RBFOX1: variants seen among roughly 807,000 people sequenced by gnomAD.
RBFOX1 encodes RNA binding protein fox-1 homolog 1.
In RBFOX1, 8 loss-of-function variants were observed where a neutral mutation model predicts 57.7. That is an observed-to-expected ratio of 0.14 (90% CI 0.08 to 0.25). The LOEUF is 0.25. Ranked by LOEUF, RBFOX1 falls within the 10% of genes least tolerant of loss-of-function variation. RBFOX1 has a pLI of 1.00. For missense variants in RBFOX1, 611 were observed against 548.5 expected, an observed-to-expected ratio of 1.11 and a Z score of -1.14; for synonymous variants, 326 against 222.4, an observed-to-expected ratio of 1.47 and a Z score of -4.15.
chr16:7,164,933 C>G (rs2079109513), intron 4 of RBFOX1, among the ~76,000 whole-genome samples: 1 of 152,158 alleles, frequency 6.6e-6, no homozygotes, highest in Non-Finnish European at 1.5e-5. Flanking sequence ...GAATCATCAA[C>G]TGGAATAGGA....
At chr16:7,224,460 C>T (rs563550858) in intron 4 of RBFOX1, among the ~76,000 whole-genome samples, 1 of 152,192 alleles carries the variant, frequency 6.6e-6, no homozygotes, top group Non-Finnish European at 1.5e-5. Context: ...CAGTGCTTCT[C>T]AGTCTTGGCT....
At position 7,050,719 on chromosome 16, in the gene RBFOX1, T is replaced by C. The variant is rs532528613; in HGVS notation, c.-15-1338T>C. 2.6e-5 allele frequency among the ~76,000 whole-genome samples: 4 copies of C among 152,362 alleles called. No individual in the cohort carries two copies. In the South Asian group the frequency reaches 8.3e-4, roughly 32 times the overall value. ...CTATATTTAAAACTATGTTTCTAAA[T>C]GGTACATGTTATGCCATACTATCAG... On this transcript the variant is annotated intron_variant, in intron 3 of 15. Coordinates refer to ENST00000550418, the MANE Select transcript of RBFOX1 (RefSeq NM_018723.4).
intron 4 of RBFOX1, among the ~76,000 whole-genome samples, chr16:7,071,985 G>A (rs1013774851): frequency 6.6e-6 from 1 of 152,014 alleles, no homozygotes; most frequent in East Asian, 1.9e-4. Flanking sequence ...TTAAGTCTAT[G>A]AATTCCTCTC....
At chr16:5,858,044 T>C (rs895709435) in intron 3 of RBFOX1, among the ~76,000 whole-genome samples, 69 of 152,178 alleles carry the variant, frequency 4.5e-4, no homozygotes, top group African/African-American at 1.6e-3. Context: ...AGCAGAGGTA[T>C]GAGGTCAGTG....
At chr16:5,811,324 G>C (rs1272507614) in intron 3 of RBFOX1, among the ~76,000 whole-genome samples, 2 of 151,722 alleles carry the variant, frequency 1.3e-5, no homozygotes, top group African/African-American at 4.8e-5. Context: ...AGTAGAGACG[G>C]GGTTTCCCTG....
chr16:6,411,786 A>G (rs1274464264), intron 2 of RBFOX1, among the ~76,000 whole-genome samples: 3 of 152,246 alleles, frequency 2.0e-5, no homozygotes, highest in African/African-American at 7.2e-5. Flanking sequence ...AGCCCTGTAC[A>G]GTGACCAGTT....
chr16:6,769,244 C>G (rs1263469089), intron 3 of RBFOX1, among the ~76,000 whole-genome samples: 1 of 152,130 alleles, frequency 6.6e-6, no homozygotes, highest in Non-Finnish European at 1.5e-5. Context: ...TCTTTCTTTG[C>G]CTGCTGCCAT....
intron 4 of RBFOX1, among the ~76,000 whole-genome samples, chr16:7,188,564 G>T (rs1180138907): frequency 1.3e-5 from 2 of 152,112 alleles, no homozygotes; most frequent in African/African-American, 2.4e-5. Flanking sequence ...CTCGTTCCCT[G>T]AATGCTATTT....
At chr16:5,790,159 T>C (rs890701182) in intron 3 of RBFOX1, among the ~76,000 whole-genome samples, 1 of 152,194 alleles carries the variant, frequency 6.6e-6, no homozygotes, top group Non-Finnish European at 1.5e-5. Context: ...ACATGGAGAA[T>C]TTGGACAGGC....
At chr16:5,919,379 G>C (rs185124011) in intron 4 of RBFOX1, among the ~76,000 whole-genome samples, 53 of 152,234 alleles carry the variant, frequency 3.5e-4, no homozygotes, top group African/African-American at 1.3e-3. Context: ...TTTTGTTCTT[G>C]TTTCCTAGGC....
rs151227806 is a variant in RBFOX1, at chr16:6,937,480, T to G, written c.-15-114577T>G. 2.4e-3 allele frequency among the ~76,000 whole-genome samples: 367 copies of G among 152,252 alleles called. 2 individuals carry two copies. The highest frequency in any genetic ancestry group is 0.017 in the Middle Eastern group (5 of 294). ...CAAACTCTGTAAAACGGTGAAGATATTTATTCTGAGTGACATAGGAGTGAC... is the reference window on the plus strand; with the variant it reads ...CAAACTCTGTAAAACGGTGAAGATAGTTATTCTGAGTGACATAGGAGTGAC... On this transcript the variant is annotated intron_variant, in intron 3 of 15. Coordinates refer to ENST00000550418, the MANE Select transcript of RBFOX1 (RefSeq NM_018723.4).
chr16:5,778,406 C>A (rs575456571), intron 3 of RBFOX1, among the ~76,000 whole-genome samples: 3 of 152,152 alleles, frequency 2.0e-5, no homozygotes, highest in Non-Finnish European at 4.4e-5. Flanking sequence ...TAGTCCTTCA[C>A]CTGGTTCACA....
intron 2 of RBFOX1, among the ~76,000 whole-genome samples, chr16:6,626,766 TAAATA>T (rs528376311): frequency 0.015 from 2,233 of 147,138 alleles, 61 homozygotes; most frequent in African/African-American, 0.046. Flanking sequence ...TCTTAATAAA[TAAATA>T]AAATAAAATA....
At chr16:6,439,035 C>T (rs886784743) in intron 2 of RBFOX1, among the ~76,000 whole-genome samples, 2 of 152,106 alleles carry the variant, frequency 1.3e-5, no homozygotes, top group African/African-American at 4.8e-5. Flanking sequence ...TGAGAGATGT[C>T]CTGGAAACTG....
At chr16:6,397,309 A>G (rs1427337544) in intron 2 of RBFOX1, among the ~76,000 whole-genome samples, 1 of 152,176 alleles carries the variant, frequency 6.6e-6, no homozygotes, top group Non-Finnish European at 1.5e-5. Context: ...AAAAAGAGGC[A>G]TTTCCTACAT....
chr16:6,361,759 C>T (rs554262511), intron 2 of RBFOX1, among the ~76,000 whole-genome samples: 4 of 152,192 alleles, frequency 2.6e-5, no homozygotes, highest in East Asian at 3.9e-4. Flanking sequence ...AGGGCACAGG[C>T]GTCAGTGTAT....
intron 2 of RBFOX1, among the ~76,000 whole-genome samples, chr16:6,607,602 CCTCTCTCTTT>C (rs1379989380): frequency 1.3e-5 from 2 of 151,220 alleles, no homozygotes; most frequent in Non-Finnish European, 3.0e-5. Context: ...CTCTCTCTCT[CCTCTCTCTTT>C]CTCTCTCTTC....
At chr16:7,586,213 AC>A (rs1255324146) in intron 6 of RBFOX1, among the ~76,000 whole-genome samples, 1 of 152,138 alleles carries the variant, frequency 6.6e-6, no homozygotes, top group African/African-American at 2.4e-5. Context: ...ATTTTACATT[AC>A]CCTCTCTCTC....
intron 2 of RBFOX1, among the ~76,000 whole-genome samples, chr16:6,604,837 T>A (rs1313678585): frequency 6.6e-6 from 1 of 152,074 alleles, no homozygotes; most frequent in Non-Finnish European, 1.5e-5. Context: ...ATAGATGACT[T>A]CATAAAAAGT....
Sources: allele counts gnomAD v4.1 joint callset (sites outside exome capture counted in the v4.1 genomes callset), GRCh38; gene constraint gnomAD v4.1.1; transcripts MANE v1.5; gene names NCBI Gene and HGNC (gene_info 2026-07-23, HGNC 2026-07-21).